Variants in ETV5 observed in about 807,000 individuals in gnomAD.
The protein encoded by ETV5 is ETS variant transcription factor 5, also known as ETS translocation variant 5.
A neutral mutation model predicts 70.0 loss-of-function variants in ETV5; 10 were observed. That is an observed-to-expected ratio of 0.14 (90% confidence interval 0.09 to 0.24). ETV5 has a LOEUF of 0.24. Among genes scored for constraint, ETV5 ranks in the 10% least tolerant of loss-of-function variants. The pLI, the probability that ETV5 is intolerant of heterozygous loss-of-function variation, is 1.00. For missense variants in ETV5, 453 were observed against 651.2 expected (o/e 0.70, Z 3.31); for synonymous variants, 216 against 242.2 (o/e 0.89, Z 1.01).
At chr3:186,069,578 T>C (rs913684827) in intron 7 of ETV5, among the ~76,000 whole-genome samples, 3 of 149,104 alleles carry the variant, frequency 2.0e-5, no homozygotes, top group Admixed American at 1.4e-4. Flanking sequence ...CAGGCTGGAG[T>C]GCAGTGACTC....
Position 186,048,603 on chromosome 3 carries a change from T to C in ETV5, c.*36A>G. On this transcript the variant is annotated 3_prime_UTR_variant, in exon 13 of 13. Transcript: ENST00000306376. ...CCTTGTTTGCCTGAATGGGAACTGCTAGCTCTAGGGTTTGGCCACTCCGCC... is the reference window on the plus strand; with the variant it reads ...CCTTGTTTGCCTGAATGGGAACTGCCAGCTCTAGGGTTTGGCCACTCCGCC... 6.3e-7 allele frequency: 1 copy of C among 1,580,922 alleles called. No individual in the cohort carries two copies. Among genetic ancestry groups the C allele is most frequent in the Non-Finnish European group, 8.7e-7 (1 of 1,150,360 alleles).
Position 186,080,081 on chromosome 3 carries a change from G to T in ETV5, c.386C>A (p.Ser129Tyr). 1 of 1,501,058 alleles carries T rather than the reference G, an allele frequency of 6.7e-7. No individual in the cohort carries two copies. Among genetic ancestry groups the T allele is most frequent in the Non-Finnish European group, 8.8e-7 (1 of 1,133,116 alleles). 93.0% of individuals were successfully genotyped at this position (1,501,058 alleles called of 1,614,324 possible). A position where few individuals can be genotyped will look rare whatever the true frequency, so the allele number is the denominator to read the frequency against. Residue 129 changes from serine (S) to tyrosine (Y), a missense_variant, in exon 7 of 13, where the codon TCT (serine) becomes TAT (tyrosine). Physicochemically the swap from Ser to Tyr is moderately radical, Grantham distance 144. Transcript: ENST00000306376. Reference protein sequence around the residue: ...NYCAYDRKPPSGFKPLTPPTT... With the variant: ...NYCAYDRKPPYGFKPLTPPTT... The stretch of plus-strand genomic sequence containing the variant: ...AGGAGGGGTTAATGGCTTGAACCCA[G>T]AGGGAGGCTTCCTATCATAGGCACT...
rs117491543 is a variant in ETV5 at position 186,075,889 on chromosome 3, T to C, written c.650+3928A>G. On this transcript the variant is annotated intron_variant, in intron 7 of 12. Coordinates refer to ENST00000306376, the MANE Select transcript of ETV5 (RefSeq NM_004454.3). ...TCCAAAATTCTTAGAGATACATTTT[T>C]CTTAGTGGAGCTTCTTCAGTTGAAT... Among the ~76,000 whole-genome samples, 17 of 152,362 alleles carry C rather than the reference T, an allele frequency of 1.1e-4. No individual in the cohort carries two copies. In the East Asian group the frequency reaches 3.3e-3, roughly 29 times the overall value.
chr3:186,078,037 A>C, intron 7 of ETV5: 1 of 1,057,730 alleles, frequency 9.5e-7, no homozygotes, highest in Non-Finnish European at 1.1e-6. Context: ...ACCCACGGGC[A>C]AATAACTCAT....
At chr3:186,075,103 CTACAG>C (rs1478093164) in intron 7 of ETV5, among the ~76,000 whole-genome samples, 1 of 152,040 alleles carries the variant, frequency 6.6e-6, no homozygotes, top group African/African-American at 2.4e-5. Flanking sequence ...AACAAGAAGC[CTACAG>C]TAAACATGAT....
intron 9 of ETV5, chr3:186,064,187 C>T (rs186786386): frequency 5.6e-5 from 32 of 569,866 alleles, no homozygotes; most frequent in Admixed American, 1.2e-4. Flanking sequence ...TGAAACCCTG[C>T]GTGCAAAATA....
Position 186,053,069 on chromosome 3 carries a change from TA to T in ETV5, c.1210-939del, listed in dbSNP as rs113970573. On this transcript the variant is annotated intron_variant, in intron 11 of 12. Coordinates refer to ENST00000306376, the MANE Select transcript of ETV5 (RefSeq NM_004454.3). ...GCATTTTAGGTCAGTTTTGGAAACT[TA>T]AAAAAAAAAAACAAACTATATTCCT... Among the ~76,000 whole-genome samples, 255 of 143,742 alleles carry T rather than the reference TA, an allele frequency of 1.8e-3. 1 individual carries two copies. The highest frequency in any genetic ancestry group is 4.9e-3 in the African/African-American group (192 of 39,404). 94.3% of individuals were successfully genotyped at this position (143,742 alleles called of 152,430 possible).
intron 7 of ETV5, among the ~76,000 whole-genome samples, chr3:186,067,856 A>G (rs1053051796): frequency 7.2e-5 from 11 of 152,222 alleles, no homozygotes; most frequent in African/African-American, 2.7e-4. Flanking sequence ...AACCAAAAGT[A>G]AAACTGAGGA....
At chr3:186,107,883 A>G (rs544638820) in intron 1 of ETV5, among the ~76,000 whole-genome samples, 1 of 151,922 alleles carries the variant, frequency 6.6e-6, no homozygotes. Flanking sequence ...TTCCCCATTC[A>G]TGAAAACTCC....
At chr3:186,051,390 TATCC>T (rs1481605231) in intron 12 of ETV5, among the ~76,000 whole-genome samples, 1 of 152,252 alleles carries the variant, frequency 6.6e-6, no homozygotes, top group African/African-American at 2.4e-5. Context: ...ATCTTCTACT[TATCC>T]ATGGGATGTT....
At chr3:186,064,373 G>A (rs746936794) in intron 9 of ETV5, 44 bp downstream of exon 9, 7 of 1,535,800 alleles carry the variant, frequency 4.6e-6, no homozygotes, top group Middle Eastern at 1.7e-4. Context: ...AGGAAGAAAG[G>A]AGAGGAGAGA....
chr3:186,068,789 G>C (rs1395058452), intron 7 of ETV5, among the ~76,000 whole-genome samples: 1 of 152,222 alleles, frequency 6.6e-6, no homozygotes, highest in African/African-American at 2.4e-5. Context: ...TTAGGAAGGT[G>C]GTTGTGGAAG....
chr3:186,052,011 G>T lies in ETV5; in HGVS notation c.1311+19C>A. The T allele has an allele frequency of 6.2e-7, 1 of 1,610,590 alleles. No homozygotes were observed. The highest frequency in any genetic ancestry group is 2.2e-5 in the East Asian group (1 of 44,820). ...TAAAAGAGACCAGAGTGGGCTAAGG[G>T]TCTTGTATAATGGCTCACCTTCTGC... On this transcript the variant is annotated intron_variant, in intron 12 of 12. Transcript: ENST00000306376. This position sits in a 1 kb window ranked among gnomAD's most constrained non-coding sequence, Gnocchi z 4.5.
rs553140972 is a variant in ETV5, at chr3:186,079,107, A to T, written c.650+710T>A. ...TATCCCAGAGAAACTTGAAATAAAG[A>T]CAGGCCCCCAGCACATCTTCTATAA... On this transcript the variant is annotated intron_variant, in intron 7 of 12. Coordinates refer to ENST00000306376, the MANE Select transcript of ETV5 (RefSeq NM_004454.3). The T allele has an allele frequency of 3.8e-6, 4 of 1,063,902 alleles. No homozygotes were observed. In the African/African-American group the frequency reaches 6.6e-5, roughly 17 times the overall value. The allele number at this position is 1,063,902 out of a possible 1,614,324, so 65.9% of individuals were successfully genotyped here.
Position 186,105,745 on chromosome 3 carries a change from G to GTGTA in ETV5, c.46-37_46-34dup. 1 of 1,613,468 alleles carries GTGTA rather than the reference G, an allele frequency of 6.2e-7. No homozygotes were observed. Among genetic ancestry groups the GTGTA allele is most frequent in the South Asian group, 1.1e-5 (1 of 91,066 alleles). On this transcript the variant is annotated intron_variant, in intron 2 of 12. Coordinates refer to ENST00000306376, the MANE Select transcript of ETV5 (RefSeq NM_004454.3). This position sits in a 1 kb window ranked among gnomAD's most constrained non-coding sequence, Gnocchi z 4.5. ...AGGCCAACAGAAAGTGAAGGCTCAA[G>GTGTA]TGTAGTAAAGAGGTCCACAGGGGGA...
chr3:186,048,909 G>T (rs1344589998), intron 12 of ETV5, 49 bp from the exon 13 acceptor site: 55 of 1,494,612 alleles, frequency 3.7e-5, no homozygotes, highest in Non-Finnish European at 4.8e-5. Context: ...CAGGGCATGG[G>T]ATCAGGGGAA....
chr3:186,072,190 G>A (rs993050167), intron 7 of ETV5, among the ~76,000 whole-genome samples: 2 of 151,142 alleles, frequency 1.3e-5, no homozygotes, highest in African/African-American at 4.8e-5. Context: ...AGACCAGCCT[G>A]GCCAACACGG....
At position 186,080,937 on chromosome 3, in the gene ETV5, T is replaced by C. The variant is rs1713919134; in HGVS notation, c.362+109A>G. The C allele has an allele frequency of 4.5e-6, 6 of 1,346,106 alleles. No individual in the cohort carries two copies. The South Asian group carries it at 8.6e-5, about 19-fold the overall frequency. The allele number at this position is 1,346,106 out of a possible 1,614,324, so 83.4% of individuals were successfully genotyped here. A position where few individuals can be genotyped will look rare whatever the true frequency, so the allele number is the denominator to read the frequency against. Reference sequence around the variant, plus strand: ...CACTGCCATGAAAGAAGGATATGTTTTACCACAGGGTCTGCTGGGTAAGTA... The same window carrying C: ...CACTGCCATGAAAGAAGGATATGTTCTACCACAGGGTCTGCTGGGTAAGTA... On this transcript the variant is annotated intron_variant, in intron 6 of 12. Coordinates refer to ENST00000306376, the MANE Select transcript of ETV5 (RefSeq NM_004454.3).
chr3:186,084,465 ATTC>A (rs1714008339), intron 5 of ETV5, among the ~76,000 whole-genome samples: 2 of 83,876 alleles, frequency 2.4e-5, no homozygotes, highest in Non-Finnish European at 4.2e-5. Flanking sequence ...TTCTGTCTTC[ATTC>A]ATTCATTCAT....
Sources: allele counts gnomAD v4.1 joint callset (sites outside exome capture counted in the v4.1 genomes callset), GRCh38; gene constraint gnomAD v4.1.1; non-coding constraint Gnocchi (gnomAD v3.1); transcripts MANE v1.5; gene names NCBI Gene and HGNC (gene_info 2026-07-23, HGNC 2026-07-21).